Variants in SRBD1 observed in about 807,000 individuals in gnomAD.
SRBD1 encodes S1 RNA binding domain 1, also known as S1 RNA-binding domain-containing protein 1.
In SRBD1, 88 loss-of-function variants were observed where a neutral mutation model predicts 115.3. The observed-to-expected ratio is 0.76, with a 90% CI of 0.64 to 0.91. SRBD1 has a LOEUF of 0.91. Among genes scored for constraint, SRBD1 ranks in the 40% least tolerant of loss-of-function variants. The pLI, the probability that SRBD1 is intolerant of heterozygous loss-of-function variation, is 0.00. For missense variants in SRBD1, 1,385 were observed against 1,177.4 expected (o/e 1.18, Z -2.58); for synonymous variants, 509 against 407.7 (o/e 1.25, Z -2.99).
chr2:45,569,001 T>C (rs542387341), intron 9 of SRBD1, among the ~76,000 whole-genome samples: 3 of 152,336 alleles, frequency 2.0e-5, no homozygotes, highest in South Asian at 2.1e-4. Context: ...ATTTTAGATA[T>C]AATAGTGAAA....
intron 7 of SRBD1, among the ~76,000 whole-genome samples, chr2:45,575,111 T>C (rs925768184): frequency 6.6e-6 from 1 of 152,162 alleles, no homozygotes; most frequent in African/African-American, 2.4e-5. Flanking sequence ...ACTAAAGATG[T>C]TATGGGAAAT....
At position 45,392,881 on chromosome 2, in the gene SRBD1, G is replaced by T. The variant is rs539708692; in HGVS notation, c.2698+64C>A. On this transcript the variant is annotated intron_variant, in intron 20 of 20. Coordinates refer to ENST00000263736, the MANE Select transcript of SRBD1 (RefSeq NM_018079.5). ...GCTTATGGCATAGGATTGCTGTGAG[G>T]ATCAAAGGAGATAATGGGAGCTATG... The T allele has an allele frequency of 4.9e-5, 70 of 1,429,494 alleles. No homozygotes were observed. The African/African-American group carries it at 8.5e-4, about 17-fold the overall frequency. 88.6% of individuals were successfully genotyped at this position (1,429,494 alleles called of 1,614,324 possible).
At chr2:45,400,151 G>T (rs1373396612) in intron 19 of SRBD1, among the ~76,000 whole-genome samples, 2 of 152,096 alleles carry the variant, frequency 1.3e-5, no homozygotes, top group Non-Finnish European at 2.9e-5. Flanking sequence ...GGGCAAAAAC[G>T]TTATTCCATT....
chr2:45,553,764 G>A lies in SRBD1; in HGVS notation c.1410-34C>T, dbSNP rs936340229. On this transcript the variant is annotated intron_variant, in intron 10 of 20. Transcript: ENST00000263736. The stretch of plus-strand genomic sequence containing the variant: ...CAGAAAAGCCCACACTAAAACTGAT[G>A]CAACAATAAATAAGGCCATAAAAAG... The A allele has an allele frequency of 3.5e-6, 5 of 1,414,088 alleles. No individual in the cohort carries two copies. In the African/African-American group the frequency reaches 7.2e-5, roughly 20 times the overall value. 87.6% of individuals were successfully genotyped at this position (1,414,088 alleles called of 1,614,324 possible).
chr2:45,504,972 T>C (rs1670753417), intron 14 of SRBD1, among the ~76,000 whole-genome samples: 4 of 152,062 alleles, frequency 2.6e-5, no homozygotes, highest in African/African-American at 9.7e-5. Context: ...CAGAAAATAA[T>C]CACTAAAACC....
intron 16 of SRBD1, among the ~76,000 whole-genome samples, chr2:45,426,281 A>T (rs1470710669): frequency 6.6e-6 from 1 of 152,244 alleles, no homozygotes; most frequent in Non-Finnish European, 1.5e-5. Context: ...AAGCCACTGT[A>T]GCCAGACTGC....
chr2:45,391,165 T>C, intron 20 of SRBD1, among the ~76,000 whole-genome samples: 1 of 152,094 alleles, frequency 6.6e-6, no homozygotes, highest in Non-Finnish European at 1.5e-5. Flanking sequence ...AAAATCAGAG[T>C]CAGGAACTAC....
intron 16 of SRBD1, among the ~76,000 whole-genome samples, chr2:45,467,719 A>G (rs1669532566): frequency 6.6e-6 from 1 of 152,230 alleles, no homozygotes; most frequent in Non-Finnish European, 1.5e-5. Flanking sequence ...TAAGAATATT[A>G]TGAAGGGAAA....
intron 7 of SRBD1, among the ~76,000 whole-genome samples, chr2:45,575,998 C>T (rs982878989): frequency 6.6e-6 from 1 of 152,202 alleles, no homozygotes; most frequent in African/African-American, 2.4e-5. Flanking sequence ...GCCACTGCAC[C>T]AGTCTGCACT....
intron 14 of SRBD1, among the ~76,000 whole-genome samples, chr2:45,530,131 G>A (rs1028756778): frequency 2.6e-5 from 4 of 151,984 alleles, no homozygotes; most frequent in African/African-American, 9.7e-5. Flanking sequence ...AAAGAAAAAT[G>A]CTTCAAAAGG....
At chr2:45,597,482 T>C (rs1379520995) in intron 4 of SRBD1, among the ~76,000 whole-genome samples, 1 of 151,212 alleles carries the variant, frequency 6.6e-6, no homozygotes, top group Admixed American at 6.6e-5. Flanking sequence ...ACGTAACTAA[T>C]AAAACTAATG....
Position 45,546,773 on chromosome 2 carries a change from C to T in SRBD1, c.1833G>A (p.Leu611=). 1.9e-6 allele frequency: 3 copies of T among 1,614,122 alleles called. No homozygotes were observed. Among genetic ancestry groups the T allele is most frequent in the Non-Finnish European group, 2.5e-6 (3 of 1,179,988 alleles). The change falls in exon 14 of 21, where the codon CTG becomes CTA. Residue 611 remains leucine (L), a synonymous_variant. Transcript: ENST00000263736. The stretch of plus-strand genomic sequence containing the variant: ...GTGGTGCAAAATAATTCTTCATTAT[C>T]AGGTCAGCAAAGTAAGCTTCTGTTT... ...CRETEAYFAD[L]IMKNYFAPLD...
chr2:45,583,061 TAC>T (rs1327431742), intron 5 of SRBD1, among the ~76,000 whole-genome samples: 1 of 152,214 alleles, frequency 6.6e-6, no homozygotes, highest in Admixed American at 6.5e-5. Context: ...ATCCTGTTGT[TAC>T]AGTTAATGCT....
rs140742578 is a variant in SRBD1 at position 45,602,029 on chromosome 2, C to T, written c.135G>A (p.Lys45=). 8.8e-4 allele frequency: 1,423 copies of T among 1,614,106 alleles called. 3 individuals are homozygous for T. The highest frequency in any genetic ancestry group is 1.1e-3 in the Non-Finnish European group (1,333 of 1,179,984). The stretch of plus-strand genomic sequence containing the variant: ...GCTGTTTACGGCTTCTGGGAACTTT[C>T]TTTTGGGGCTCCCAGGCACTATCTT... ...DKEDSAWEPQ[K]KVPRSRKQPP... Residue 45 remains lysine, a synonymous_variant, in exon 3 of 21, where the codon AAG becomes AAA. Coordinates refer to ENST00000263736, the MANE Select transcript of SRBD1 (RefSeq NM_018079.5).
chr2:45,391,004 CA>C (rs1403425906), intron 20 of SRBD1, among the ~76,000 whole-genome samples: 7 of 152,146 alleles, frequency 4.6e-5, no homozygotes, highest in African/African-American at 1.4e-4. Context: ...AGTCACTGAT[CA>C]GGGGCAGAGG....
chr2:45,407,433 T>G (rs1572602146), intron 19 of SRBD1, among the ~76,000 whole-genome samples: 1 of 152,340 alleles, frequency 6.6e-6, no homozygotes, highest in South Asian at 2.1e-4. Context: ...GAACAACCTT[T>G]GTGCTTCACA....
At chr2:45,567,643 A>T (rs1009957045) in intron 9 of SRBD1, among the ~76,000 whole-genome samples, 2 of 152,154 alleles carry the variant, frequency 1.3e-5, no homozygotes, top group African/African-American at 4.8e-5. Context: ...ACATAAAACA[A>T]TATATTCAAT....
intron 14 of SRBD1, among the ~76,000 whole-genome samples, chr2:45,503,312 G>A (rs955244840): frequency 1.3e-5 from 2 of 152,146 alleles, no homozygotes; most frequent in Non-Finnish European, 2.9e-5. Flanking sequence ...CACCTAGGAA[G>A]ACTGGATGGA....
In SRBD1 at chr2:45,571,517, C is replaced by CAAAAAAAAAAAAAAAAAAAAAA. The variant is rs58100763; in HGVS notation, c.1305+1668_1305+1689dup. Among the ~76,000 whole-genome samples, 69 of 39,406 alleles carry CAAAAAAAAAAAAAAAAAAAAAA rather than the reference C, an allele frequency of 1.8e-3. 6 individuals carry two copies. Among genetic ancestry groups the CAAAAAAAAAAAAAAAAAAAAAA allele is most frequent in the South Asian group, 4.1e-3 (3 of 734 alleles). 25.9% of individuals were successfully genotyped at this position (39,406 alleles called of 152,430 possible). A position where few individuals can be genotyped will look rare whatever the true frequency, so the allele number is the denominator to read the frequency against. ...AAAATACAACATATCCAGACTTTACCAAAAAAAAAAAAAAAAAAAAAAAAA... is the reference window on the plus strand; with the variant it reads ...AAAATACAACATATCCAGACTTTACCAAAAAAAAAAAAAAAAAAAAAAAAAAAAAAAAAAAAAAAAAAAAAAA... On this transcript the variant is annotated intron_variant, in intron 9 of 20. Coordinates refer to ENST00000263736, the MANE Select transcript of SRBD1 (RefSeq NM_018079.5).
Sources: allele counts gnomAD v4.1 joint callset (sites outside exome capture counted in the v4.1 genomes callset), GRCh38; gene constraint gnomAD v4.1.1; transcripts MANE v1.5; gene names NCBI Gene and HGNC (gene_info 2026-07-23, HGNC 2026-07-21).